PPP2R3C: variants seen among roughly 807,000 people sequenced by gnomAD.
PPP2R3C encodes serine/threonine-protein phosphatase 2A regulatory subunit B'' subunit gamma.
A neutral mutation model predicts 63.7 loss-of-function variants in PPP2R3C; 47 were observed. The ratio of observed to expected loss-of-function variants is 0.74; its 90% CI spans 0.58 to 0.94. The LOEUF is 0.94. Among genes scored for constraint, PPP2R3C ranks in the 40% least tolerant of loss-of-function variants. The pLI is 0.00. For synonymous variants in PPP2R3C, 180 were observed against 177.4 expected (o/e 1.01, Z -0.12); for missense variants, 421 against 518.4 (o/e 0.81, Z 1.82).
intron 11 of PPP2R3C, among the ~76,000 whole-genome samples, chr14:35,089,156 T>C (rs1422472149): frequency 6.6e-6 from 1 of 152,194 alleles, no homozygotes; most frequent in East Asian, 1.9e-4. Context: ...CAGGCCGTAG[T>C]GCAGTGGCAA....
At chr14:35,108,271 C>T in intron 4 of PPP2R3C, 35 bp from the exon 5 acceptor site, 1 of 1,534,988 alleles carries the variant, frequency 6.5e-7, no homozygotes, top group Non-Finnish European at 8.7e-7. Context: ...AATGATCTGC[C>T]AACATAAAAG....
At chr14:35,097,775 C>T (rs892582823) in intron 7 of PPP2R3C, among the ~76,000 whole-genome samples, 10 of 152,008 alleles carry the variant, frequency 6.6e-5, no homozygotes, top group African/African-American at 2.2e-4. Context: ...TGAGCCACTG[C>T]GCCTGGCTGC....
chr14:35,092,797 A>C (rs923045409), intron 10 of PPP2R3C, among the ~76,000 whole-genome samples: 2 of 152,136 alleles, frequency 1.3e-5, no homozygotes, highest in Non-Finnish European at 2.9e-5. Context: ...TGCTATTTTA[A>C]AATATTGTTT....
chr14:35,107,754 A>AT, intron 5 of PPP2R3C: 2 of 352,454 alleles, frequency 5.7e-6, no homozygotes, highest in Admixed American at 4.3e-5. Context: ...TGTAGGAATC[A>AT]TAAGTCCAAG....
chr14:35,112,577 A>G (rs1566424983), intron 2 of PPP2R3C, among the ~76,000 whole-genome samples: 3 of 152,180 alleles, frequency 2.0e-5, no homozygotes, highest in South Asian at 4.1e-4. Flanking sequence ...TAAACCAAAA[A>G]TAAAATTCTA....
chr14:35,113,745 G>C (rs902604938), intron 2 of PPP2R3C, among the ~76,000 whole-genome samples: 3 of 152,204 alleles, frequency 2.0e-5, no homozygotes, highest in Non-Finnish European at 4.4e-5. Context: ...CTGAACAACT[G>C]ATTTACAGCC....
intron 1 of PPP2R3C, among the ~76,000 whole-genome samples, chr14:35,119,763 T>G (rs1288073029): frequency 6.7e-6 from 1 of 149,446 alleles, no homozygotes; most frequent in Admixed American, 6.6e-5. Flanking sequence ...AGGAGGAGGC[T>G]GGAAGGAAGT....
chr14:35,120,852 G>A (rs1174825323), intron 1 of PPP2R3C, among the ~76,000 whole-genome samples: 7 of 152,062 alleles, frequency 4.6e-5, no homozygotes, highest in African/African-American at 1.7e-4. Flanking sequence ...AGGCTGGGGT[G>A]GGAAGATCCC....
chr14:35,122,075 C>T, upstream of PPP2R3C: 1 of 1,088,610 alleles, frequency 9.2e-7, no homozygotes, highest in Non-Finnish European at 1.4e-6. Flanking sequence ...GTCCAACCAC[C>T]ATCTTGATCG....
In PPP2R3C at chr14:35,091,103, G is replaced by C; in HGVS notation, c.1080C>G (p.Tyr360Ter). Residue 360 changes from tyrosine to a stop codon, truncating the protein, a stop_gained, in exon 11 of 13, where the codon TAC (tyrosine) becomes TAG (stop). Coordinates refer to ENST00000261475, the MANE Select transcript of PPP2R3C (RefSeq NM_017917.4). LOFTEE classifies it high-confidence loss of function. ...AATAATTAAGTGAAAAGACATTCAG[G>C]TATCCTTTGTTCTCAATATCAAGCA... ...FKLLDIENKG[Y>*]LNVFSLNYFF... is the part of the protein sequence containing the mutation. The C allele has an allele frequency of 6.2e-7, 1 of 1,606,260 alleles. No homozygotes were observed. Among genetic ancestry groups the C allele is most frequent in the African/African-American group, 1.3e-5 (1 of 74,778 alleles).
chr14:35,088,106 A>G (rs946140861), intron 11 of PPP2R3C, 96 bp from the exon 12 acceptor site: 5 of 851,364 alleles, frequency 5.9e-6, no homozygotes, highest in South Asian at 1.4e-5. Context: ...TTCCTTTCCT[A>G]TCAGGCCACA....
At position 35,108,139 on chromosome 14, in the gene PPP2R3C, C is replaced by T. The variant is rs1227598311; in HGVS notation, c.502G>A (p.Val168Ile). The T allele has an allele frequency of 1.9e-6, 3 of 1,607,080 alleles. No homozygotes were observed. The highest frequency in any genetic ancestry group is 1.7e-5 in the Admixed American group (1 of 58,714). ...MQFFNYVMRK[V>I]WLHQTRIGLS... is the part of the protein sequence containing the mutation. ...TTCAAGCACAGTAAAAATGAATCACCTTTTCTCATGACATAATTAAAGAAC... is the reference window on the plus strand; with the variant it reads ...TTCAAGCACAGTAAAAATGAATCACTTTTTCTCATGACATAATTAAAGAAC... The change falls in exon 5 of 13, where the codon GTT (valine) becomes ATT (isoleucine). Residue 168 changes from valine (V) to isoleucine (I), a missense_variant and splice_region_variant. Physicochemically the swap from Val to Ile is conservative, Grantham distance 29. This residue lies in a region of PPP2R3C where 47 missense variants were observed against 102.3 expected (regional missense o/e 0.46). Transcript: ENST00000261475.
At chr14:35,088,601 C>T (rs1253783788) in intron 11 of PPP2R3C, among the ~76,000 whole-genome samples, 1 of 152,182 alleles carries the variant, frequency 6.6e-6, no homozygotes, top group East Asian at 1.9e-4. Flanking sequence ...TCTTGGTGAA[C>T]AGTCAACTTT....
chr14:35,091,100 C>G lies in PPP2R3C; in HGVS notation c.1083G>C (p.Leu361=), dbSNP rs2045800955. ...AGAAATAATTAAGTGAAAAGACATTCAGGTATCCTTTGTTCTCAATATCAA... is the reference window on the plus strand; with the variant it reads ...AGAAATAATTAAGTGAAAAGACATTGAGGTATCCTTTGTTCTCAATATCAA... The part of the protein sequence containing the change: ...KLLDIENKGY[L]NVFSLNYFFR... The change falls in exon 11 of 13, where the codon CTG becomes CTC. Residue 361 remains leucine (L), a synonymous_variant. Transcript: ENST00000261475. The G allele has an allele frequency of 6.2e-7, 1 of 1,606,254 alleles. No homozygotes were observed. Among genetic ancestry groups the G allele is most frequent in the South Asian group, 1.1e-5 (1 of 90,404 alleles).
intron 3 of PPP2R3C, 150 bp downstream of exon 3, chr14:35,110,375 G>A (rs778054310): frequency 7.1e-6 from 4 of 564,056 alleles, no homozygotes; most frequent in Admixed American, 3.5e-5. Flanking sequence ...CAAACTCAGC[G>A]GCTGCTTCTG....
rs2046016498 is a variant in PPP2R3C at position 35,096,866 on chromosome 14, A to G, written c.707-102T>C. The G allele has an allele frequency of 2.8e-6, 3 of 1,090,142 alleles. No individual in the cohort carries two copies. The Admixed American group carries it at 9.0e-5, about 33-fold the overall frequency. 67.5% of individuals were successfully genotyped at this position (1,090,142 alleles called of 1,614,324 possible). On this transcript the variant is annotated intron_variant, in intron 7 of 12. Transcript: ENST00000261475. The stretch of plus-strand genomic sequence containing the variant: ...TAACAAGAGCAATCACACAATTGAT[A>G]TTTTAAAGCTTCTAGCTCTTATGCT...
intron 1 of PPP2R3C, among the ~76,000 whole-genome samples, chr14:35,121,015 A>G (rs2046867054): frequency 1.3e-5 from 2 of 152,056 alleles, no homozygotes; most frequent in South Asian, 4.1e-4. Context: ...ATGTAGGAGA[A>G]TGAACGTCCA....
chr14:35,112,866 C>T (rs12879990), intron 2 of PPP2R3C: 8,599 of 152,300 alleles, frequency 0.056, 335 homozygotes, highest in African/African-American at 0.11. Context: ...GATCCCAGGT[C>T]TTTAGACAAA....
At chr14:35,101,695 T>C (rs2046195728) in intron 6 of PPP2R3C, 1 of 152,212 alleles carries the variant, frequency 6.6e-6, no homozygotes, top group African/African-American at 2.4e-5. Context: ...ATTTCTCTTA[T>C]GTGAAGTTAG....
Sources: gnomAD v4.1 joint callset for allele counts (sites outside exome capture counted in the v4.1 genomes callset) on GRCh38, gnomAD v4.1.1 for gene constraint, gnomAD v4.1.1 regional missense constraint, MANE v1.5 for transcripts, NCBI Gene and HGNC (gene_info 2026-07-23, HGNC 2026-07-21) for gene names.